The following JKAMP variants were observed in gnomAD, a reference collection of about 807,000 sequenced individuals.
JKAMP encodes JNK1/MAPK8 associated membrane protein.
Under a neutral mutation model 40.2 loss-of-function variants are expected in JKAMP, and 20 were observed. The ratio of observed to expected loss-of-function variants is 0.50; its 90% CI spans 0.35 to 0.72. The LOEUF is 0.72. JKAMP is among the 30% of genes least tolerant of loss of function. The probability of loss-of-function intolerance (pLI) is 0.01; values close to 1 mark genes in which losing one functional copy is unlikely to be tolerated. For missense variants in JKAMP, 276 were observed against 373.0 expected, an observed-to-expected ratio of 0.74 and a Z score of 2.14; for synonymous variants, 138 against 131.6, an observed-to-expected ratio of 1.05 and a Z score of -0.33.
intron 6 of JKAMP, among the ~76,000 whole-genome samples, chr14:59,502,764 T>TCTTTG (rs1261460995): frequency 3.1e-5 from 4 of 130,504 alleles, no homozygotes; most frequent in Non-Finnish European, 6.3e-5. Flanking sequence ...TTTTTTTTTT[T>TCTTTG]TTTTTTTTTC....
intron 1 of JKAMP, 28 bp downstream of exon 1, chr14:59,484,621 C>A: frequency 6.3e-7 from 1 of 1,576,594 alleles, no homozygotes; most frequent in Non-Finnish European, 8.6e-7. Context: ...TCCCGGGAAG[C>A]GTTTCTGGTA....
chr14:59,500,926 T>C (rs1594951792), intron 5 of JKAMP: 1 of 336,582 alleles, frequency 3.0e-6, no homozygotes, highest in East Asian at 5.5e-5. Context: ...TGCCCATTCA[T>C]GTATGTATTC....
chr14:59,503,527 G>A (rs1378292637), intron 6 of JKAMP, among the ~76,000 whole-genome samples: 1 of 152,120 alleles, frequency 6.6e-6, no homozygotes, highest in Non-Finnish European at 1.5e-5. Flanking sequence ...ATAAAGTGGA[G>A]TTTCCCTTCT....
chr14:59,497,256 T>C (rs897091277), intron 4 of JKAMP, among the ~76,000 whole-genome samples: 1 of 152,198 alleles, frequency 6.6e-6, no homozygotes, highest in Admixed American at 6.5e-5. Flanking sequence ...ACTAAAACTT[T>C]AAGAATGAGT....
At chr14:59,502,125 G>A (rs904075232) in intron 6 of JKAMP, among the ~76,000 whole-genome samples, 3 of 151,982 alleles carry the variant, frequency 2.0e-5, no homozygotes, top group Admixed American at 6.6e-5. Context: ...TACATTATTT[G>A]TTCATATGCA....
At chr14:59,488,059 T>C (rs1890714461) in intron 3 of JKAMP, among the ~76,000 whole-genome samples, 1 of 152,192 alleles carries the variant, frequency 6.6e-6, no homozygotes, top group South Asian at 2.1e-4. Context: ...CTTGAAGGAA[T>C]ACTTTTACTT....
chr14:59,486,863 T>A, intron 2 of JKAMP, 59 bp downstream of exon 2: 1 of 1,148,000 alleles, frequency 8.7e-7, no homozygotes, highest in Non-Finnish European at 1.3e-6. Context: ...TTTGAAATAT[T>A]TTCACATACA....
chr14:59,487,963 T>TGAAGA, intron 3 of JKAMP, 135 bp downstream of exon 3: 1 of 851,728 alleles, frequency 1.2e-6, no homozygotes, highest in East Asian at 2.4e-5. Flanking sequence ...CAGATTATTC[T>TGAAGA]TAACTGTGAC....
intron 3 of JKAMP, among the ~76,000 whole-genome samples, chr14:59,489,425 A>G (rs968852938): frequency 6.6e-6 from 1 of 152,212 alleles, no homozygotes; most frequent in Non-Finnish European, 1.5e-5. Flanking sequence ...ACAGTTCCTG[A>G]TAACTTCCTT....
intron 3 of JKAMP, among the ~76,000 whole-genome samples, chr14:59,494,810 T>C (rs1401699351): frequency 2.0e-5 from 3 of 152,164 alleles, no homozygotes; most frequent in Non-Finnish European, 2.9e-5. Context: ...AGATGCAGGG[T>C]AGATATAATT....
chr14:59,502,775 G>GGAGTCTCACTCTTTTTTTTTTTTTTGCA (rs1892030121), intron 6 of JKAMP, among the ~76,000 whole-genome samples: 1 of 63,128 alleles, frequency 1.6e-5, no homozygotes, highest in Non-Finnish European at 3.4e-5. Flanking sequence ...TTTTTTTTTC[G>GGAGTCTCACTCTTTTTTTTTTTTTTGCA]GAGTCTCACT....
chr14:59,504,081 A>G lies in JKAMP; in HGVS notation c.*9A>G. 1 of 1,575,280 alleles carries G rather than the reference A, an allele frequency of 6.3e-7. No individual in the cohort carries two copies. The highest frequency in any genetic ancestry group is 8.7e-7 in the Non-Finnish European group (1 of 1,145,572). ...GAGCCAATGGACACTGAGTGTAGAC[A>G]TGTGAAATGCCAAAAACCTGAGAAG... On this transcript the variant is annotated 3_prime_UTR_variant, in exon 7 of 7. Coordinates refer to ENST00000616435, the MANE Select transcript of JKAMP (RefSeq NM_016475.5).
intron 3 of JKAMP, 71 bp from the exon 4 acceptor site, chr14:59,494,947 T>C: frequency 9.6e-7 from 1 of 1,037,296 alleles, no homozygotes; most frequent in Non-Finnish European, 1.5e-6. Context: ...TCTTGACACA[T>C]GTACATGTTT....
chr14:59,499,190 AT>A (rs1395233239), intron 5 of JKAMP, among the ~76,000 whole-genome samples: 6 of 151,236 alleles, frequency 4.0e-5, no homozygotes, highest in Non-Finnish European at 8.9e-5. Context: ...CACCCAGCTA[AT>A]TTTTGTATTT....
chr14:59,501,204 A>G lies in JKAMP; in HGVS notation c.654A>G (p.Pro218=), dbSNP rs368230508. The change falls in exon 6 of 7, where the codon CCA becomes CCG. Residue 218 remains proline, a synonymous_variant. Coordinates refer to ENST00000616435, the MANE Select transcript of JKAMP (RefSeq NM_016475.5). ...CTTATCTTTCAGATTACGCCTTCCC[A>G]TACATTATATTAGTGTTATCTTTGG... The part of the protein sequence containing the change: ...VGGGLLYYAF[P]YIILVLSLVT... 13 of 1,594,904 alleles carry G rather than the reference A, an allele frequency of 8.2e-6. No individual in the cohort carries two copies. The Middle Eastern group carries it at 5.0e-4, about 61-fold the overall frequency.
At chr14:59,488,303 A>G (rs1226103205) in intron 3 of JKAMP, among the ~76,000 whole-genome samples, 1 of 152,194 alleles carries the variant, frequency 6.6e-6, no homozygotes, top group Non-Finnish European at 1.5e-5. Flanking sequence ...AGATATAAAA[A>G]TAACTGACAT....
intron 4 of JKAMP, 115 bp downstream of exon 4, chr14:59,495,339 C>CA: frequency 1.4e-6 from 1 of 711,870 alleles, no homozygotes; most frequent in Admixed American, 2.7e-5. Context: ...CTGGGTCTGC[C>CA]AGCGGCTTTA....
At chr14:59,489,880 CTCTT>C (rs67142905) in intron 3 of JKAMP, among the ~76,000 whole-genome samples, 79,893 of 151,080 alleles carry the variant, frequency 0.53, 23,051 homozygotes, top group African/African-American at 0.77. Context: ...GAGGAGGTAC[CTCTT>C]TCTTTCATTT....
intron 3 of JKAMP, 64 bp from the exon 4 acceptor site, chr14:59,494,954 G>T: frequency 1.7e-6 from 2 of 1,145,550 alleles, no homozygotes; most frequent in South Asian, 1.3e-5. Flanking sequence ...ACATGTACAT[G>T]TTTTATTAAA....
Sources: gnomAD v4.1 joint callset for allele counts (sites outside exome capture counted in the v4.1 genomes callset) on GRCh38, gnomAD v4.1.1 for gene constraint, MANE v1.5 for transcripts, NCBI Gene and HGNC (gene_info 2026-07-23, HGNC 2026-07-21) for gene names.